Variants in MTR observed in about 807,000 individuals in gnomAD.
MTR encodes the protein 5-methyltetrahydrofolate-homocysteine methyltransferase, also known as methionine synthase.
In MTR, 84 loss-of-function variants were observed where a neutral mutation model predicts 154.8. That is an observed-to-expected ratio of 0.54 (90% CI 0.45 to 0.65). The LOEUF is 0.65. Ranked by LOEUF, MTR falls within the 30% of genes least tolerant of loss-of-function variation. The pLI is 0.00. For synonymous variants in MTR, 554 were observed against 553.9 expected (o/e 1.00, Z 0.00); for missense variants, 1,275 against 1,570.2 (o/e 0.81, Z 3.18).
chr1:236,824,789 A>G (rs1215201716), intron 9 of MTR, among the ~76,000 whole-genome samples: 6 of 152,334 alleles, frequency 3.9e-5, no homozygotes, highest in African/African-American at 1.4e-4. Context: ...TTTTCTCCAA[A>G]TGTGTCATTT....
At chr1:236,844,453 CGTGTGTGTGTGTGT>C (rs58179715) in intron 15 of MTR, among the ~76,000 whole-genome samples, 33,002 of 145,246 alleles carry the variant, frequency 0.23, 4,182 homozygotes, top group African/African-American at 0.34. Flanking sequence ...TCAGAAAGGG[CGTGTGTGTGTGTGT>C]GTGTGTGTGT....
chr1:236,848,149 ACT>A (rs1228904072), intron 15 of MTR, among the ~76,000 whole-genome samples: 1 of 151,934 alleles, frequency 6.6e-6, no homozygotes, highest in Non-Finnish European at 1.5e-5. Flanking sequence ...AGAGTTGATG[ACT>A]CTGTTTTGGT....
Position 236,875,238 on chromosome 1 carries a change from G to A in MTR, c.2594+392G>A, listed in dbSNP as rs188905211. On this transcript the variant is annotated intron_variant, in intron 24 of 32. Coordinates refer to ENST00000366577, the MANE Select transcript of MTR (RefSeq NM_000254.3). ...TTGCCCACTCTGTCTTGAAGCAGGTGTCTGACTGAATGATTACAGGTTCCT... is the reference window on the plus strand; with the variant it reads ...TTGCCCACTCTGTCTTGAAGCAGGTATCTGACTGAATGATTACAGGTTCCT... Among the ~76,000 whole-genome samples, 120 of 152,314 alleles carry A rather than the reference G, an allele frequency of 7.9e-4. 3 individuals are homozygous for A. Among genetic ancestry groups the A allele is most frequent in the African/African-American group, 2.8e-3 (118 of 41,562 alleles).
intron 22 of MTR, among the ~76,000 whole-genome samples, chr1:236,872,257 G>A (rs574579060): frequency 2.0e-5 from 3 of 152,096 alleles, no homozygotes; most frequent in East Asian, 1.9e-4. Flanking sequence ...GCACTGTTCC[G>A]TTCTCTGAGA....
At chr1:236,821,904 C>G (rs1661976742) in intron 8 of MTR, among the ~76,000 whole-genome samples, 1 of 152,142 alleles carries the variant, frequency 6.6e-6, no homozygotes, top group South Asian at 2.1e-4. Context: ...TATTCTGTTT[C>G]ATTAATCTAT....
At chr1:236,845,286 C>G (rs550477547) in intron 15 of MTR, among the ~76,000 whole-genome samples, 2 of 152,052 alleles carry the variant, frequency 1.3e-5, no homozygotes, top group Admixed American at 1.3e-4. Flanking sequence ...AAATTAAAAG[C>G]AAATGTAGGA....
Position 236,880,748 on chromosome 1 carries a change from T to C in MTR, c.2595-7T>C. The C allele has an allele frequency of 2.5e-6, 4 of 1,613,192 alleles. No homozygotes were observed. The highest frequency in any genetic ancestry group is 3.4e-6 in the Non-Finnish European group (4 of 1,179,112). On this transcript the variant is annotated splice_region_variant and splice_polypyrimidine_tract_variant and intron_variant, in intron 24 of 32. Transcript: ENST00000366577. The stretch of plus-strand genomic sequence containing the variant: ...GGATATATTTTCTTTCTGACCCTTC[T>C]TTTTAGAACCCACACAGCAGTTAAA...
chr1:236,806,707 A>C (rs188213756), intron 3 of MTR, among the ~76,000 whole-genome samples: 2 of 152,252 alleles, frequency 1.3e-5, no homozygotes, highest in African/African-American at 4.8e-5. Flanking sequence ...ATTTTCCAAA[A>C]CTGAAACTCT....
At chr1:236,857,103 T>C in intron 18 of MTR, among the ~76,000 whole-genome samples, 1 of 152,188 alleles carries the variant, frequency 6.6e-6, no homozygotes, top group Middle Eastern at 3.2e-3. Context: ...GAGGAATCGC[T>C]GCACTGCCTT....
chr1:236,858,302 A>AATAT (rs545621665), intron 18 of MTR, among the ~76,000 whole-genome samples: 1 of 152,314 alleles, frequency 6.6e-6, no homozygotes, highest in South Asian at 2.1e-4. Context: ...ACCCCTTTAT[A>AATAT]AAACCATTAG....
rs77684830 is a variant in MTR, at chr1:236,872,999, A to C, written c.2406-774A>C. The stretch of plus-strand genomic sequence containing the variant: ...GACCCTGTCTCAAAAACAACAGCAA[A>C]AGAGATTGCTTATGCAAAAAGCTGA... On this transcript the variant is annotated intron_variant, in intron 22 of 32. Transcript: ENST00000366577. Among the ~76,000 whole-genome samples, 558 of 152,352 alleles carry C rather than the reference A, an allele frequency of 3.7e-3. 2 individuals are homozygous for C. Among genetic ancestry groups the C allele is most frequent in the Non-Finnish European group, 5.4e-3 (368 of 68,036 alleles).
chr1:236,825,541 G>T, intron 10 of MTR, 142 bp downstream of exon 10: 1 of 850,352 alleles, frequency 1.2e-6, no homozygotes, highest in African/African-American at 1.7e-5. Context: ...CCAAATTAAG[G>T]TACTAGAGGC....
chr1:236,849,948 A>G (rs757911779), intron 15 of MTR, among the ~76,000 whole-genome samples: 1 of 152,204 alleles, frequency 6.6e-6, no homozygotes, highest in Non-Finnish European at 1.5e-5. Context: ...GGGCACTTAC[A>G]TGTTAATCTC....
At position 236,896,778 on chromosome 1, in the gene MTR, C is replaced by T. The variant is rs185504894; in HGVS notation, c.3599-228C>T. On this transcript the variant is annotated intron_variant, in intron 31 of 32. Transcript: ENST00000366577. ...AGTGTAGAGTCTTTCCCAGGCCTGTCCCCCTGGGTTAGAGGAGATCTGCAT... is the reference window on the plus strand; with the variant it reads ...AGTGTAGAGTCTTTCCCAGGCCTGTTCCCCTGGGTTAGAGGAGATCTGCAT... Among the ~76,000 whole-genome samples, 609 of 152,194 alleles carry T rather than the reference C, an allele frequency of 4.0e-3. 3 individuals are homozygous for T. The highest frequency in any genetic ancestry group is 0.012 in the African/African-American group (514 of 41,542).
chr1:236,890,639 C>T (rs1666264682), intron 28 of MTR, among the ~76,000 whole-genome samples: 1 of 152,170 alleles, frequency 6.6e-6, no homozygotes, highest in Non-Finnish European at 1.5e-5. Flanking sequence ...CTGTTGAAGG[C>T]CCCAAATTGA....
chr1:236,818,433 C>G (rs1359282375), intron 8 of MTR, among the ~76,000 whole-genome samples: 1 of 152,208 alleles, frequency 6.6e-6, no homozygotes, highest in African/African-American at 2.4e-5. Flanking sequence ...GCCACTGCCT[C>G]ACCTCCAGGA....
At chr1:236,820,880 GCAATTCCTTAAAAA>G (rs1661897301) in intron 8 of MTR, among the ~76,000 whole-genome samples, 3 of 152,134 alleles carry the variant, frequency 2.0e-5, no homozygotes, top group East Asian at 1.9e-4. Flanking sequence ...TGTTGTATTT[GCAATTCCTTAAAAA>G]CATGATAATT....
At chr1:236,883,419 G>A (rs1572328435) in intron 25 of MTR, among the ~76,000 whole-genome samples, 1 of 152,154 alleles carries the variant, frequency 6.6e-6, no homozygotes, top group Non-Finnish European at 1.5e-5. Flanking sequence ...AAACTGCAGC[G>A]GTATGTTCTG....
chr1:236,891,890 G>A (rs1666342797), intron 29 of MTR, among the ~76,000 whole-genome samples: 2 of 152,026 alleles, frequency 1.3e-5, no homozygotes, highest in Admixed American at 1.3e-4. Context: ...AGATTGTGCT[G>A]GGCCCCCCAA....
Sources: allele counts gnomAD v4.1 joint callset (sites outside exome capture counted in the v4.1 genomes callset), GRCh38; gene constraint gnomAD v4.1.1; transcripts MANE v1.5; gene names NCBI Gene and HGNC (gene_info 2026-07-23, HGNC 2026-07-21).